Variants in FAM234B observed in about 807,000 individuals in gnomAD.
FAM234B encodes protein FAM234B.
In FAM234B, 33 loss-of-function variants were observed where a neutral mutation model predicts 69.3. That is an observed-to-expected ratio of 0.48 (90% confidence interval 0.36 to 0.64). The LOEUF (loss-of-function observed/expected upper bound fraction) is 0.64. Ranked by LOEUF, FAM234B falls within the 30% of genes least tolerant of loss-of-function variation. The pLI is 0.00. For missense variants in FAM234B, 697 were observed against 769.7 expected, an observed-to-expected ratio of 0.91 and a Z score of 1.12; for synonymous variants, 306 against 306.9, an observed-to-expected ratio of 1.00 and a Z score of 0.03.
At chr12:13,071,464 G>A in intron 10 of FAM234B, 68 bp downstream of exon 10, 1 of 1,410,128 alleles carries the variant, frequency 7.1e-7, no homozygotes, top group Non-Finnish European at 1.0e-6. Context: ...GGCTGACTGT[G>A]TTCTGGAGAT....
rs1591597620 is a variant in FAM234B at position 13,058,355 on chromosome 12, C to A, written c.434-96C>A. The A allele has an allele frequency of 1.3e-5, 12 of 921,402 alleles. No individual in the cohort carries two copies. The East Asian group carries it at 2.7e-4, about 20-fold the overall frequency. 57.1% of individuals were successfully genotyped at this position (921,402 alleles called of 1,614,324 possible). A position where few individuals can be genotyped will look rare whatever the true frequency, so the allele number is the denominator to read the frequency against. On this transcript the variant is annotated intron_variant, in intron 2 of 12. Transcript: ENST00000197268. ...GTGTCTACTATACCTAGTCGAGGAA[C>A]TGGAGTCTGCCTGGTGTTTATAGAG...
At chr12:13,070,465 C>T (rs1271249807) in intron 9 of FAM234B, among the ~76,000 whole-genome samples, 1 of 152,022 alleles carries the variant, frequency 6.6e-6, no homozygotes, top group Non-Finnish European at 1.5e-5. Flanking sequence ...TTAGGTCCTC[C>T]ACTTACAGAA....
intron 4 of FAM234B, 107 bp downstream of exon 4, chr12:13,061,870 T>A: frequency 1.2e-6 from 1 of 848,182 alleles, no homozygotes; most frequent in Non-Finnish European, 1.8e-6. Flanking sequence ...GTGGAGTATC[T>A]GATTTACTGA....
intron 7 of FAM234B, among the ~76,000 whole-genome samples, chr12:13,068,048 G>C (rs1003755511): frequency 6.6e-5 from 10 of 152,214 alleles, no homozygotes; most frequent in African/African-American, 2.4e-4. Flanking sequence ...TCCAGTGTGA[G>C]AGATATTGCA....
chr12:13,052,475 T>C (rs1864886387), intron 1 of FAM234B, among the ~76,000 whole-genome samples: 1 of 152,140 alleles, frequency 6.6e-6, no homozygotes, highest in South Asian at 2.1e-4. Context: ...ACATACACCA[T>C]AAAATTTACC....
chr12:13,080,243 G>A (rs1865209865), intron 12 of FAM234B, among the ~76,000 whole-genome samples: 1 of 152,184 alleles, frequency 6.6e-6, no homozygotes, highest in Non-Finnish European at 1.5e-5. Context: ...ATTTGACAAT[G>A]TGGGGTCGTG....
intron 2 of FAM234B, among the ~76,000 whole-genome samples, chr12:13,056,258 G>A (rs1252687335): frequency 1.3e-5 from 2 of 152,156 alleles, no homozygotes; most frequent in Non-Finnish European, 2.9e-5. Flanking sequence ...CTGTAGGAAG[G>A]GCTATTTACA....
In FAM234B at chr12:13,078,836, C is replaced by A. The variant is rs1404963864; in HGVS notation, c.1643-953C>A. ...ACCTAGGAATCCAACTTACAAGGGA[C>A]ATGAAGGACCTCTTCAAGGAGAACT... On this transcript the variant is annotated intron_variant, in intron 11 of 12. Coordinates refer to ENST00000197268, the MANE Select transcript of FAM234B (RefSeq NM_020853.2). Among the ~76,000 whole-genome samples, 4 of 152,110 alleles carry A rather than the reference C, an allele frequency of 2.6e-5. No homozygotes were observed. The South Asian group carries it at 8.3e-4, about 32-fold the overall frequency.
In FAM234B at chr12:13,081,392, G is replaced by A. The variant is rs1184390741; in HGVS notation, c.*762G>A. 1.3e-5 allele frequency: 2 copies of A among 152,264 alleles called. No individual in the cohort carries two copies. The highest frequency in any genetic ancestry group is 4.8e-5 in the African/African-American group (2 of 41,438). The allele number at this position is 152,264 out of a possible 1,614,324, so 9.4% of individuals were successfully genotyped here. On this transcript the variant is annotated 3_prime_UTR_variant, in exon 13 of 13. Coordinates refer to ENST00000197268, the MANE Select transcript of FAM234B (RefSeq NM_020853.2). ...CCATCTCTGACCAAGTCCACATGTT[G>A]TGTTATATGTGGCTCTGATGGTTCT...
chr12:13,068,686 T>C lies in FAM234B; in HGVS notation c.1343T>C (p.Ile448Thr), dbSNP rs1865068991. The C allele has an allele frequency of 3.7e-6, 6 of 1,610,918 alleles. No homozygotes were observed. The highest frequency in any genetic ancestry group is 2.7e-5 in the African/African-American group (2 of 74,996). The change falls in exon 9 of 13, where the codon ATA (isoleucine) becomes ACA (threonine). Residue 448 changes from isoleucine to threonine, a missense_variant. Physicochemically the swap from Ile to Thr is moderately conservative, Grantham distance 89. Transcript: ENST00000197268. Reference protein sequence around the residue: ...DDQTLDFLLQIQDGVGMKKMM... With the variant: ...DDQTLDFLLQTQDGVGMKKMM... ...CAGACATTAGATTTCCTTCTGCAGA[T>C]ACAGGATGGAGTTGGGATGAAAAAG...
intron 1 of FAM234B, among the ~76,000 whole-genome samples, chr12:13,055,347 G>A (rs1327492362): frequency 1.3e-5 from 2 of 152,224 alleles, no homozygotes; most frequent in Non-Finnish European, 2.9e-5. Flanking sequence ...CTGGAGCACT[G>A]TGCTTTTGTT....
intron 5 of FAM234B, among the ~76,000 whole-genome samples, chr12:13,063,629 C>T (rs1865007481): frequency 6.6e-6 from 1 of 152,204 alleles, no homozygotes; most frequent in Non-Finnish European, 1.5e-5. Context: ...TTTGCAGGAA[C>T]TTCAGTGTAC....
In FAM234B at chr12:13,076,153, A is replaced by G. The variant is rs1865158452; in HGVS notation, c.1642+10A>G. ...GTGACGGCTTCAGAGGGTGAGTCCC[A>G]GTGCCAGCGGGAGTCTGTGTACGCA... On this transcript the variant is annotated intron_variant, in intron 11 of 12. Coordinates refer to ENST00000197268, the MANE Select transcript of FAM234B (RefSeq NM_020853.2). 1 of 1,577,340 alleles carries G rather than the reference A, an allele frequency of 6.3e-7. No individual in the cohort carries two copies. The highest frequency in any genetic ancestry group is 8.7e-7 in the Non-Finnish European group (1 of 1,146,570).
At chr12:13,049,235 AGT>A (rs1864847182) in intron 1 of FAM234B, among the ~76,000 whole-genome samples, 1 of 152,244 alleles carries the variant, frequency 6.6e-6, no homozygotes, top group African/African-American at 2.4e-5. Context: ...GCTGGAGTGC[AGT>A]GGCATGGTCT....
chr12:13,076,663 T>C (rs1865163073), intron 11 of FAM234B, among the ~76,000 whole-genome samples: 1 of 152,208 alleles, frequency 6.6e-6, no homozygotes, highest in Non-Finnish European at 1.5e-5. Flanking sequence ...GAAAGAAAAA[T>C]TGGCCATAAT....
At chr12:13,053,421 G>A (rs182368155) in intron 1 of FAM234B, among the ~76,000 whole-genome samples, 175 of 152,192 alleles carry the variant, frequency 1.1e-3, no homozygotes, top group African/African-American at 4.2e-3. Context: ...TTTTCCTTAA[G>A]TGTTGGCCGG....
At chr12:13,075,142 G>A (rs1865145592) in intron 10 of FAM234B, among the ~76,000 whole-genome samples, 1 of 152,170 alleles carries the variant, frequency 6.6e-6, no homozygotes, top group South Asian at 2.1e-4. Flanking sequence ...CTCAGGCCTT[G>A]GAACTTTTGT....
intron 5 of FAM234B, among the ~76,000 whole-genome samples, chr12:13,065,200 G>C (rs1865024614): frequency 6.6e-6 from 1 of 152,172 alleles, no homozygotes; most frequent in South Asian, 2.1e-4. Context: ...TAGAGCTACT[G>C]TGAATGAGTC....
At chr12:13,052,069 C>T (rs1319030661) in intron 1 of FAM234B, among the ~76,000 whole-genome samples, 1 of 152,130 alleles carries the variant, frequency 6.6e-6, no homozygotes, top group Admixed American at 6.5e-5. Context: ...AAGACTTGAG[C>T]TCTTAAATAC....
Sources: allele counts gnomAD v4.1 joint callset (sites outside exome capture counted in the v4.1 genomes callset), GRCh38; gene constraint gnomAD v4.1.1; transcripts MANE v1.5; gene names NCBI Gene and HGNC (gene_info 2026-07-23, HGNC 2026-07-21).